Variants in DDX52 observed in about 807,000 individuals in gnomAD.
DDX52 encodes the protein DExD-box helicase 52.
DDX52 carries 59 observed loss-of-function variants against 76.1 expected under a neutral mutation model. The ratio of observed to expected loss-of-function variants is 0.78; its 90% CI spans 0.63 to 0.96. DDX52 has a LOEUF of 0.96. Ranked by LOEUF, DDX52 falls within the 40% of genes least tolerant of loss-of-function variation. DDX52 has a pLI of 0.00. For missense variants in DDX52, 707 were observed against 703.9 expected (o/e 1.00, Z -0.05); for synonymous variants, 231 against 244.1 (o/e 0.95, Z 0.50).
chr17:37,634,618 A>G (rs1170571657), intron 2 of DDX52, among the ~76,000 whole-genome samples: 1 of 151,834 alleles, frequency 6.6e-6, no homozygotes, highest in African/African-American at 2.4e-5. Flanking sequence ...GCAACAGAGC[A>G]AGACTCTGTC....
chr17:37,626,061 A>C lies in DDX52; in HGVS notation c.970T>G (p.Phe324Val). Residue 324 changes from phenylalanine (F) to valine (V), a missense_variant, in exon 8 of 15, where the codon TTT becomes GTT. By Grantham distance (50) the Phe-to-Val change is conservative. Coordinates refer to ENST00000617633, the MANE Select transcript of DDX52 (RefSeq NM_007010.5). ...WLVVDESDKL[F>V]EDGKTGFRDQ... ...CTGAACCCAGTTTTGCCATCTTCAA[A>C]CAGTTTATCTGATTCGTCTACTACA... 1 of 1,614,158 alleles carries C rather than the reference A, an allele frequency of 6.2e-7. No individual in the cohort carries two copies. Among genetic ancestry groups the C allele is most frequent in the Non-Finnish European group, 8.5e-7 (1 of 1,180,030 alleles).
At chr17:37,641,717 CAG>C (rs2031210575) in intron 2 of DDX52, among the ~76,000 whole-genome samples, 2 of 151,712 alleles carry the variant, frequency 1.3e-5, no homozygotes, top group African/African-American at 4.8e-5. Flanking sequence ...AGCCTGGAGA[CAG>C]AGTGAGACTC....
intron 3 of DDX52, among the ~76,000 whole-genome samples, chr17:37,633,040 A>C (rs1450382415): frequency 6.6e-6 from 1 of 152,226 alleles, no homozygotes; most frequent in African/African-American, 2.4e-5. Flanking sequence ...ACATACTATC[A>C]ATCTTGAAAC....
At chr17:37,640,580 A>G (rs774642708) in intron 2 of DDX52, among the ~76,000 whole-genome samples, 27 of 151,884 alleles carry the variant, frequency 1.8e-4, no homozygotes, top group Non-Finnish European at 3.2e-4. Context: ...AAGGAACTTT[A>G]CTTTTCATCA....
chr17:37,619,456 G>A (rs1437958501), intron 13 of DDX52, among the ~76,000 whole-genome samples: 2 of 152,106 alleles, frequency 1.3e-5, no homozygotes, highest in Admixed American at 1.3e-4. Flanking sequence ...AGTACTTCGG[G>A]AGGCAAGGAT....
At chr17:37,641,610 A>T (rs1000139010) in intron 2 of DDX52, among the ~76,000 whole-genome samples, 2 of 151,418 alleles carry the variant, frequency 1.3e-5, no homozygotes, top group African/African-American at 4.9e-5. Flanking sequence ...GGTGACACGC[A>T]CCTGTAGTCC....
chr17:37,616,520 T>C (rs1428053433), intron 14 of DDX52, among the ~76,000 whole-genome samples: 1 of 151,882 alleles, frequency 6.6e-6, no homozygotes, highest in Non-Finnish European at 1.5e-5. Context: ...CCAGGCATGG[T>C]GGCGGGTGCC....
intron 2 of DDX52, chr17:37,639,513 G>A: frequency 1.1e-6 from 1 of 889,022 alleles, no homozygotes; most frequent in South Asian, 4.3e-5. Flanking sequence ...CAAGGTGGGT[G>A]AATCACGAGG....
In DDX52 at chr17:37,609,813, G is replaced by C. The variant is rs2064269273; in HGVS notation, c.*4483C>G. On this transcript the variant is annotated 3_prime_UTR_variant, in exon 15 of 15. Transcript: ENST00000617633. ...TACACACAAAGAACAGATAGGTCCT[G>C]AAGGGCCCTTTGATAGTCTCGCAGC... 1 of 154,910 alleles carries C rather than the reference G, an allele frequency of 6.5e-6. No individual in the cohort carries two copies. Among genetic ancestry groups the C allele is most frequent in the African/African-American group, 2.4e-5 (1 of 41,558 alleles). 9.6% of individuals were successfully genotyped at this position (154,910 alleles called of 1,614,324 possible).
chr17:37,628,528 G>A, intron 6 of DDX52, 33 bp downstream of exon 6: 1 of 1,492,064 alleles, frequency 6.7e-7, no homozygotes, highest in South Asian at 1.2e-5. Context: ...TTCCTTACAT[G>A]CTCTATCTAC....
chr17:37,622,152 ATCTC>A (rs1191887217), intron 9 of DDX52, among the ~76,000 whole-genome samples: 3 of 69,596 alleles, frequency 4.3e-5, no homozygotes, highest in Non-Finnish European at 5.3e-5. Flanking sequence ...CTCTACTACT[ATCTC>A]TAAGTAAACA....
chr17:37,624,379 C>T lies in DDX52; in HGVS notation c.1192G>A (p.Gly398Arg), dbSNP rs150338322. The change falls in exon 9 of 15, where the codon GGA becomes AGA. Residue 398 changes from glycine to arginine, a missense_variant. Physicochemically the swap from Gly to Arg is moderately radical, Grantham distance 125. Transcript: ENST00000617633. Reference sequence around the variant, plus strand: ...AGTTCTCTCACGGCCAGAAGTTTTCCGGTCTCAGATCCAACAAAGAGAAGC... The same window carrying T: ...AGTTCTCTCACGGCCAGAAGTTTTCTGGTCTCAGATCCAACAAAGAGAAGC... ...QELLFVGSET[G>R]KLLAVRELVK... 25 of 1,608,116 alleles carry T rather than the reference C, an allele frequency of 1.6e-5. No individual in the cohort carries two copies. The highest frequency in any genetic ancestry group is 2.0e-5 in the Non-Finnish European group (24 of 1,176,244).
At chr17:37,620,735 G>T in intron 12 of DDX52, 138 bp downstream of exon 12, 2 of 735,566 alleles carry the variant, frequency 2.7e-6, no homozygotes, top group Non-Finnish European at 4.0e-6. Context: ...CTTTCCCATG[G>T]CTAAAATTTG....
At chr17:37,641,198 C>G (rs1394680107) in intron 2 of DDX52, among the ~76,000 whole-genome samples, 1 of 151,638 alleles carries the variant, frequency 6.6e-6, no homozygotes, top group Non-Finnish European at 1.5e-5. Context: ...GTCAGGAGAT[C>G]GAGACCATCC....
Position 37,633,371 on chromosome 17 carries a change from C to T in DDX52, c.334G>A (p.Val112Ile). The change falls in exon 3 of 15, where the codon GTA becomes ATA. Residue 112 changes from valine (V) to isoleucine (I), a missense_variant. By Grantham distance (29) the Val-to-Ile change is conservative (BLOSUM62 3). Coordinates refer to ENST00000617633, the MANE Select transcript of DDX52 (RefSeq NM_007010.5). The part of the protein sequence containing the change: ...EGATIQWMSS[V>I]EAKIEDKKVQ... ...TTTTTGTCTTCAATCTTTGCTTCTA[C>T]AGATGACATCCACTGTATAGTAGCA... 2 of 1,610,990 alleles carry T rather than the reference C, an allele frequency of 1.2e-6. No individual in the cohort carries two copies. Among genetic ancestry groups the T allele is most frequent in the South Asian group, 2.2e-5 (2 of 90,488 alleles).
intron 3 of DDX52, 113 bp downstream of exon 3, chr17:37,633,175 C>T: frequency 8.5e-7 from 1 of 1,176,676 alleles, no homozygotes; most frequent in Non-Finnish European, 1.1e-6. Context: ...TGTAATTAAC[C>T]TTCTATCTTA....
intron 2 of DDX52, among the ~76,000 whole-genome samples, chr17:37,636,660 C>T (rs1403073443): frequency 6.6e-6 from 1 of 152,054 alleles, no homozygotes; most frequent in Non-Finnish European, 1.5e-5. Flanking sequence ...AGTGAAGCTT[C>T]GGTAGAAGAA....
intron 2 of DDX52, among the ~76,000 whole-genome samples, chr17:37,636,140 T>C (rs2030912891): frequency 1.3e-5 from 2 of 152,218 alleles, no homozygotes; most frequent in African/African-American, 4.8e-5. Context: ...TTTTAAAGAA[T>C]TTTGTTGTTG....
At chr17:37,624,511 A>G (rs1272796428) in intron 8 of DDX52, 77 bp from the exon 9 acceptor site, 1 of 1,064,954 alleles carries the variant, frequency 9.4e-7, no homozygotes, top group Non-Finnish European at 1.3e-6. Context: ...AAATGAAAAA[A>G]TTTACACACA....
Sources: allele counts gnomAD v4.1 joint callset (sites outside exome capture counted in the v4.1 genomes callset), GRCh38; gene constraint gnomAD v4.1.1; transcripts MANE v1.5; gene names NCBI Gene and HGNC (gene_info 2026-07-23, HGNC 2026-07-21).